The following IL1RAPL1 variants were observed in gnomAD, a reference collection of about 807,000 sequenced individuals.
IL1RAPL1 encodes the protein interleukin 1 receptor accessory protein like 1.
In IL1RAPL1, 3 loss-of-function variants were observed where a neutral mutation model predicts 48.4. That is an observed-to-expected ratio of 0.06 (90% CI 0.03 to 0.16). IL1RAPL1 has a LOEUF of 0.16. IL1RAPL1 is among the 10% of genes least tolerant of loss of function. IL1RAPL1 has a pLI of 1.00. For missense variants in IL1RAPL1, 349 were observed against 530.6 expected (o/e 0.66, Z 3.36); for synonymous variants, 185 against 187.7 (o/e 0.99, Z 0.12).
At chrX:29,940,421 T>C (rs1265693165) in intron 8 of IL1RAPL1, among the ~76,000 whole-genome samples, 1 of 111,763 alleles carries the variant, frequency 8.9e-6, no homozygotes, top group Non-Finnish European at 1.9e-5. Flanking sequence ...TGTTATGAAA[T>C]TAGATAACTT....
chrX:29,909,776 A>C (rs778139469), intron 6 of IL1RAPL1, among the ~76,000 whole-genome samples: 1 of 112,092 alleles, frequency 8.9e-6, no homozygotes, highest in South Asian at 3.7e-4. Context: ...AGATGCTGGC[A>C]AGGTTGTGAA....
chrX:29,912,516 A>G (rs181912704), intron 6 of IL1RAPL1, among the ~76,000 whole-genome samples: 4 of 112,053 alleles, frequency 3.6e-5, no homozygotes, highest in Admixed American at 1.9e-4. Context: ...TGAAAGGACT[A>G]TATTATGATA....
intron 5 of IL1RAPL1, among the ~76,000 whole-genome samples, chrX:29,580,513 A>C (rs1043085443): frequency 9.0e-6 from 1 of 111,600 alleles, no homozygotes; most frequent in Non-Finnish European, 1.9e-5. Context: ...CTTCCATATT[A>C]TTGCTGCATA....
At chrX:29,837,272 A>AATATATATATATATATAT (rs1229668903) in intron 6 of IL1RAPL1, among the ~76,000 whole-genome samples, 1 of 72,142 alleles carries the variant, frequency 1.4e-5, no homozygotes, top group African/African-American at 5.9e-5. Flanking sequence ...AAAAAAAAAA[A>AATATATATATATATATAT]ATATATATAT....
chrX:29,221,483 A>G (rs1251319608), intron 2 of IL1RAPL1, among the ~76,000 whole-genome samples: 1 of 111,141 alleles, frequency 9.0e-6, no homozygotes, highest in African/African-American at 3.3e-5. Context: ...ATACCCCGTG[A>G]AGGTCTCATA....
At chrX:29,103,091 A>G (rs898495457) in intron 2 of IL1RAPL1, among the ~76,000 whole-genome samples, 1 of 112,068 alleles carries the variant, frequency 8.9e-6, no homozygotes, top group African/African-American at 3.2e-5. Flanking sequence ...TCAAAATACC[A>G]ACAACATTCT....
At chrX:28,729,042 T>A (rs1935719439) in intron 1 of IL1RAPL1, among the ~76,000 whole-genome samples, 1 of 112,220 alleles carries the variant, frequency 8.9e-6, no homozygotes, top group Non-Finnish European at 1.9e-5. Context: ...TGTATTATCA[T>A]TTGCTTATAT....
chrX:29,201,537 C>G (rs1308436780), intron 2 of IL1RAPL1, among the ~76,000 whole-genome samples: 2 of 111,673 alleles, frequency 1.8e-5, no homozygotes, highest in Non-Finnish European at 3.8e-5. Context: ...AGAGAGTCCT[C>G]CATTCCAGTA....
intron 6 of IL1RAPL1, among the ~76,000 whole-genome samples, chrX:29,733,322 T>A (rs1927968309): frequency 8.9e-6 from 1 of 112,244 alleles, no homozygotes; most frequent in South Asian, 3.7e-4. Flanking sequence ...TTCCTTTTTT[T>A]AGTATTCCCA....
At chrX:29,260,520 A>G (rs1931835473) in intron 2 of IL1RAPL1, among the ~76,000 whole-genome samples, 1 of 111,710 alleles carries the variant, frequency 9.0e-6, no homozygotes, top group Non-Finnish European at 1.9e-5. Flanking sequence ...TGAAAACAGT[A>G]TGAGGGAAAC....
At chrX:29,946,168 ATTCTCTACTTCTCTATCTTATCC>A (rs1933210353) in intron 9 of IL1RAPL1, among the ~76,000 whole-genome samples, 2 of 112,163 alleles carry the variant, frequency 1.8e-5, no homozygotes, top group African/African-American at 6.5e-5. Flanking sequence ...TCTTGTTTTC[ATTCTCTACTTCTCTATCTTATCC>A]TTCACATTCT....
At chrX:29,432,375 T>C (rs951233256) in intron 5 of IL1RAPL1, among the ~76,000 whole-genome samples, 3 of 111,509 alleles carry the variant, frequency 2.7e-5, no homozygotes, top group African/African-American at 9.8e-5. Flanking sequence ...AGCAAGATAG[T>C]ACCCCTACCT....
At chrX:28,628,711 C>T (rs982848203) in intron 1 of IL1RAPL1, among the ~76,000 whole-genome samples, 2 of 112,164 alleles carry the variant, frequency 1.8e-5, no homozygotes, top group Admixed American at 1.9e-4. Context: ...TGAAACTGCA[C>T]TAAAATTGTG....
Position 29,664,403 on chromosome X carries a change from C to CAAA in IL1RAPL1, c.704-4009_704-4007dup, listed in dbSNP as rs569100581. On this transcript the variant is annotated intron_variant, in intron 5 of 10. Transcript: ENST00000378993. ...TGGGCAACAGAGCGAGACTCCGTCT[C>CAAA]AAAAAAAAAAAAAAAAAAAAGTGAA... is the stretch of plus-strand genomic sequence containing the variant. Among the ~76,000 whole-genome samples the CAAA allele has an allele frequency of 5.9e-4, 24 of 40,682 alleles. 1 individual carries two copies. Among genetic ancestry groups the CAAA allele is most frequent in the Middle Eastern group, 0.031 (2 of 65 alleles). The allele number at this position is 40,682 out of a possible 115,157, so 35.3% of individuals were successfully genotyped here.
intron 5 of IL1RAPL1, among the ~76,000 whole-genome samples, chrX:29,516,750 G>T (rs1935450088): frequency 9.1e-6 from 1 of 109,374 alleles, no homozygotes; most frequent in South Asian, 3.9e-4. Context: ...CCTTATACTT[G>T]TTTCCTGGTG....
chrX:29,853,992 C>T (rs943433861), intron 6 of IL1RAPL1, among the ~76,000 whole-genome samples: 6 of 111,909 alleles, frequency 5.4e-5, no homozygotes, highest in Non-Finnish European at 9.4e-5. Context: ...TGTTTTCATC[C>T]GTGACATGTA....
At chrX:29,602,159 T>G (rs766966216) in intron 5 of IL1RAPL1, among the ~76,000 whole-genome samples, 7 of 108,684 alleles carry the variant, frequency 6.4e-5, no homozygotes, top group Non-Finnish European at 1.3e-4. Context: ...AATTTTGTAT[T>G]TTTAGTATAG....
intron 3 of IL1RAPL1, among the ~76,000 whole-genome samples, chrX:29,324,826 C>T (rs1932832992): frequency 9.0e-6 from 1 of 111,024 alleles, no homozygotes; most frequent in African/African-American, 3.3e-5. Context: ...GCTTCCTGTG[C>T]CTCAATATAA....
intron 6 of IL1RAPL1, among the ~76,000 whole-genome samples, chrX:29,903,159 C>CGT (rs751071711): frequency 0.077 from 7,685 of 99,563 alleles, 294 homozygotes; most frequent in African/African-American, 0.15. Context: ...CATTTGTCTC[C>CGT]GTGTGTGTGT....
Sources: gnomAD v4.1 joint callset for allele counts (sites outside exome capture counted in the v4.1 genomes callset) on GRCh38, gnomAD v4.1.1 for gene constraint, MANE v1.5 for transcripts, NCBI Gene and HGNC (gene_info 2026-07-23, HGNC 2026-07-21) for gene names.